TUSC3: variants seen among roughly 807,000 people sequenced by gnomAD.
TUSC3 encodes tumor suppressor candidate 3.
Under a neutral mutation model 44.8 loss-of-function variants are expected in TUSC3, and 45 were observed. The ratio of observed to expected loss-of-function variants is 1.00; its 90% CI spans 0.79 to 1.29. The LOEUF is 1.29. Ranked by LOEUF, TUSC3 falls within the 50% of genes most tolerant of loss-of-function variation. TUSC3 has a pLI of 0.00. For synonymous variants in TUSC3, 212 were observed against 152.9 expected (o/e 1.39, Z -2.85); for missense variants, 519 against 437.9 (o/e 1.19, Z -1.65).
chr8:15,672,635 G>A (rs1013451918), intron 5 of TUSC3, among the ~76,000 whole-genome samples: 1 of 152,012 alleles, frequency 6.6e-6, no homozygotes, highest in Admixed American at 6.6e-5. Flanking sequence ...AGCACAGAAG[G>A]TTCTTGGGTA....
At chr8:15,788,615 C>G in the TUSC3 span, among the ~76,000 whole-genome samples, 4,386 of 151,620 alleles carry the variant, frequency 0.029, 216 homozygotes, top group African/African-American at 0.099. Context: ...AAATCAGATC[C>G]TCATCCAGAC....
chr8:15,512,632 G>T (rs1278711928), intron 2 of TUSC3, among the ~76,000 whole-genome samples: 1 of 151,856 alleles, frequency 6.6e-6, no homozygotes, highest in East Asian at 1.9e-4. Flanking sequence ...AATTAGCTTG[G>T]CATGGTGGTA....
the TUSC3 span, among the ~76,000 whole-genome samples, chr8:15,821,467 A>T: frequency 6.8e-6 from 1 of 147,152 alleles, no homozygotes; most frequent in African/African-American, 2.5e-5. Context: ...TTTCTTCAAG[A>T]TTTTTTTCTT....
intron 2 of TUSC3, among the ~76,000 whole-genome samples, chr8:15,636,463 C>G (rs903813875): frequency 6.6e-6 from 1 of 152,022 alleles, no homozygotes; most frequent in African/African-American, 2.4e-5. Flanking sequence ...GTAGACCAAC[C>G]CCAGAATAGA....
At chr8:15,524,457 C>A (rs1801346149) in intron 2 of TUSC3, among the ~76,000 whole-genome samples, 1 of 152,032 alleles carries the variant, frequency 6.6e-6, no homozygotes, top group African/African-American at 2.4e-5. Flanking sequence ...TCTTACATTT[C>A]CATAAACTCA....
the TUSC3 span, among the ~76,000 whole-genome samples, chr8:15,800,113 A>C: frequency 6.6e-6 from 1 of 152,206 alleles, no homozygotes. Context: ...CAGGGGAGAC[A>C]CTACCTCTAT....
intron 2 of TUSC3, among the ~76,000 whole-genome samples, chr8:15,517,553 A>G (rs1585073167): frequency 1.6e-5 from 2 of 122,978 alleles, no homozygotes; most frequent in East Asian, 2.1e-4. Flanking sequence ...AAAAAAAAAA[A>G]AAAGCCCACA....
chr8:15,487,209 A>G (rs1389271700), intron 2 of TUSC3, among the ~76,000 whole-genome samples: 2 of 152,136 alleles, frequency 1.3e-5, no homozygotes, highest in East Asian at 1.9e-4. Flanking sequence ...ATCTGACCGT[A>G]TTTCTACTAC....
chr8:15,748,483 A>G lies in TUSC3; in HGVS notation c.1028+18A>G. 2 of 1,541,978 alleles carry G rather than the reference A, an allele frequency of 1.3e-6. No individual in the cohort carries two copies. Among genetic ancestry groups the G allele is most frequent in the Non-Finnish European group, 1.8e-6 (2 of 1,114,888 alleles). On this transcript the variant is annotated intron_variant, in intron 9 of 10. Transcript: ENST00000503731. ...CCTTATAGGTAATATCTTTATACTA[A>G]CATGAATGTTTTTATTTTTAACTAA...
chr8:15,523,662 ATATGTGTGTG>A (rs1437114107), intron 2 of TUSC3, among the ~76,000 whole-genome samples: 112 of 21,844 alleles, frequency 5.1e-3, no homozygotes, highest in African/African-American at 0.018. Context: ...ATATATATAT[ATATGTGTGTG>A]TGTGTGTGTG....
intron 7 of TUSC3, among the ~76,000 whole-genome samples, chr8:15,736,989 T>C: frequency 6.6e-6 from 1 of 152,270 alleles, no homozygotes; most frequent in Middle Eastern, 3.4e-3. Context: ...AAATTATTTA[T>C]ATAAAAGTAA....
intron 2 of TUSC3, among the ~76,000 whole-genome samples, chr8:15,633,502 A>T (rs1192899964): frequency 6.6e-6 from 1 of 152,182 alleles, no homozygotes; most frequent in Admixed American, 6.5e-5. Context: ...ATAGTTGTAG[A>T]TGTAATTAGT....
intron 3 of TUSC3, among the ~76,000 whole-genome samples, chr8:15,656,257 TTCCAAAG>T (rs1206173960): frequency 2.0e-5 from 3 of 152,036 alleles, no homozygotes; most frequent in Admixed American, 6.5e-5. Context: ...CAACTCAAAA[TTCCAAAG>T]TCCAAAGTCT....
chr8:15,796,282 T>C, the TUSC3 span, among the ~76,000 whole-genome samples: 1 of 152,176 alleles, frequency 6.6e-6, no homozygotes, highest in Non-Finnish European at 1.5e-5. Context: ...TCATGTGGTG[T>C]ATCTAGGTGA....
At chr8:15,655,655 T>A (rs1807127834) in intron 3 of TUSC3, among the ~76,000 whole-genome samples, 1 of 152,212 alleles carries the variant, frequency 6.6e-6, no homozygotes, top group African/African-American at 2.4e-5. Flanking sequence ...AGTCTCTAAC[T>A]CTGCTTTATA....
chr8:15,731,628 C>G (rs1326854122), intron 7 of TUSC3, among the ~76,000 whole-genome samples: 1 of 152,114 alleles, frequency 6.6e-6, no homozygotes, highest in Non-Finnish European at 1.5e-5. Flanking sequence ...TTGTCTTTTT[C>G]ATGGTCTATC....
At chr8:15,563,203 T>G (rs1802541544) in intron 1 of TUSC3, among the ~76,000 whole-genome samples, 1 of 152,158 alleles carries the variant, frequency 6.6e-6, no homozygotes, top group African/African-American at 2.4e-5. Flanking sequence ...TGATGATAAC[T>G]TTATCATCAC....
intron 7 of TUSC3, chr8:15,733,683 G>GT (rs918310277): frequency 1.3e-5 from 2 of 155,250 alleles, no homozygotes; most frequent in East Asian, 1.9e-4. Flanking sequence ...TTTTTCCTGT[G>GT]TTTTTTATTT....
At chr8:15,760,030 C>T (rs1411127118) in intron 10 of TUSC3, among the ~76,000 whole-genome samples, 1 of 152,124 alleles carries the variant, frequency 6.6e-6, no homozygotes, top group Non-Finnish European at 1.5e-5. Flanking sequence ...ATAACCGAGC[C>T]TCTTAAATTG....
Sources: gnomAD v4.1 joint callset for allele counts (sites outside exome capture counted in the v4.1 genomes callset) on GRCh38, gnomAD v4.1.1 for gene constraint, MANE v1.5 for transcripts, NCBI Gene and HGNC (gene_info 2026-07-23, HGNC 2026-07-21) for gene names.